The following MTCL1 variants were observed in gnomAD, a reference collection of about 807,000 sequenced individuals.
The protein encoded by MTCL1 is microtubule crosslinking factor 1, also known as microtubule cross-linking factor 1.
A neutral mutation model predicts 141.4 loss-of-function variants in MTCL1; 79 were observed. The ratio of observed to expected loss-of-function variants is 0.56; its 90% CI spans 0.47 to 0.67. The LOEUF (loss-of-function observed/expected upper bound fraction) is 0.67. Ranked by LOEUF, MTCL1 falls within the 30% of genes least tolerant of loss-of-function variation. The probability of loss-of-function intolerance (pLI) is 0.00; values close to 1 mark genes in which losing one functional copy is unlikely to be tolerated. For synonymous variants in MTCL1, 914 were observed against 875.8 expected (o/e 1.04, Z -0.77); for missense variants, 2,177 against 2,113.9 (o/e 1.03, Z -0.59).
chr18:8,782,129 A>G (rs1241963953), intron 5 of MTCL1: 1 of 152,216 alleles, frequency 6.6e-6, no homozygotes, highest in Non-Finnish European at 1.5e-5. Context: ...AGAACGAGCC[A>G]TGCTCTCTGA....
chr18:8,735,787 A>C (rs2096272054), intron 4 of MTCL1, among the ~76,000 whole-genome samples: 1 of 152,164 alleles, frequency 6.6e-6, no homozygotes, highest in Non-Finnish European at 1.5e-5. Flanking sequence ...CCTCCCCTTG[A>C]GAAACTCAGA....
chr18:8,825,436 G>A (rs770625854), exon 15 of MTCL1: 4 of 1,564,722 alleles, frequency 2.6e-6, no homozygotes, highest in Admixed American at 1.8e-5. Context: ...GACATGGCCT[G>A]CCAGACCAAT....
intron 4 of MTCL1, among the ~76,000 whole-genome samples, chr18:8,742,633 T>C (rs1036108625): frequency 6.6e-6 from 1 of 152,194 alleles, no homozygotes; most frequent in Non-Finnish European, 1.5e-5. Context: ...CACGTGGGGA[T>C]CATTACAATT....
intron 1 of MTCL1, among the ~76,000 whole-genome samples, chr18:8,710,090 T>C (rs2096078418): frequency 6.6e-6 from 1 of 152,232 alleles, no homozygotes; most frequent in Non-Finnish European, 1.5e-5. Context: ...TCTGCCCGCC[T>C]CGGCTTCCCA....
chr18:8,791,748 T>C (rs2075734289), intron 7 of MTCL1, among the ~76,000 whole-genome samples: 1 of 152,184 alleles, frequency 6.6e-6, no homozygotes, highest in Admixed American at 6.6e-5. Flanking sequence ...CCCCAAACAA[T>C]GCTGAATATG....
intron 4 of MTCL1, among the ~76,000 whole-genome samples, chr18:8,747,974 G>C (rs1055974130): frequency 1.3e-5 from 2 of 152,124 alleles, no homozygotes; most frequent in African/African-American, 4.8e-5. Flanking sequence ...GAGCTGCCTG[G>C]TTGTCACCCA....
intron 4 of MTCL1, among the ~76,000 whole-genome samples, chr18:8,763,165 A>C (rs2096441795): frequency 6.6e-6 from 1 of 152,150 alleles, no homozygotes; most frequent in African/African-American, 2.4e-5. Context: ...AGATGTGCCG[A>C]GTTGTTCTGT....
chr18:8,714,844 T>C (rs564389178), upstream of MTCL1, among the ~76,000 whole-genome samples: 1 of 152,190 alleles, frequency 6.6e-6, no homozygotes, highest in Non-Finnish European at 1.5e-5. Context: ...TCGCCCAGGC[T>C]GGAGTGCAGT....
intron 2 of MTCL1, 104 bp from the exon 2 acceptor site, chr18:8,718,320 G>T: frequency 3.5e-6 from 4 of 1,143,362 alleles, no homozygotes; most frequent in Non-Finnish European, 5.1e-6. Context: ...GGGTAAGCGT[G>T]TAGGTATTCA....
rs2077164353 is a variant in MTCL1 at position 8,830,551 on chromosome 18, G to A, written c.*19-1056G>A. 19 of 986,116 alleles carry A rather than the reference G, an allele frequency of 1.9e-5. 1 individual carries two copies. The South Asian group carries it at 5.6e-4, about 29-fold the overall frequency. The allele number at this position is 986,116 out of a possible 1,614,324, so 61.1% of individuals were successfully genotyped here. ...CCGCTGCTGCTCCCCTGCACCACTG[G>A]CTGGGCTGTCCTCATCCTGGTCTTT... On this transcript the variant is annotated intron_variant, in intron 16 of 16. Coordinates refer to ENST00000359865, the Ensembl canonical transcript of MTCL1. This position sits in a 1 kb window ranked among gnomAD's most constrained non-coding sequence, Gnocchi z 6.4.
At chr18:8,784,071 T>C in exon 6 of MTCL1, 1 of 1,613,306 alleles carries the variant, frequency 6.2e-7, no homozygotes, top group Non-Finnish European at 8.5e-7. Context: ...CCGGGCTGGC[T>C]AGGAGAGGGT....
chr18:8,755,104 C>T (rs879867433), intron 4 of MTCL1, among the ~76,000 whole-genome samples: 9 of 152,226 alleles, frequency 5.9e-5, no homozygotes, highest in Non-Finnish European at 1.0e-4. Context: ...CAAATGCCCC[C>T]GTGCCACGGC....
At chr18:8,750,747 G>A (rs1388633453) in intron 4 of MTCL1, among the ~76,000 whole-genome samples, 2 of 152,222 alleles carry the variant, frequency 1.3e-5, no homozygotes, top group Non-Finnish European at 2.9e-5. Context: ...TGAATGCATT[G>A]CAGTTATAAT....
chr18:8,747,257 G>A (rs1395503884), intron 4 of MTCL1, among the ~76,000 whole-genome samples: 1 of 152,230 alleles, frequency 6.6e-6, no homozygotes, highest in Non-Finnish European at 1.5e-5. Context: ...CACAGCAGTG[G>A]GGACTGCAGT....
At chr18:8,791,248 A>G (rs371377760) in intron 7 of MTCL1, among the ~76,000 whole-genome samples, 37 of 152,198 alleles carry the variant, frequency 2.4e-4, no homozygotes, top group African/African-American at 8.7e-4. Flanking sequence ...CAGCACTGAT[A>G]CTTGTTTCCC....
chr18:8,784,547 C>T (rs1193714883), exon 6 of MTCL1: 1 of 1,607,056 alleles, frequency 6.2e-7, no homozygotes, highest in South Asian at 1.1e-5. Flanking sequence ...CGACAGCTTC[C>T]TCCATGATGC....
intron 4 of MTCL1, among the ~76,000 whole-genome samples, chr18:8,777,078 CA>C (rs372854852): frequency 6.6e-6 from 1 of 151,574 alleles, no homozygotes; most frequent in South Asian, 2.1e-4. Flanking sequence ...ACTAAAAATA[CA>C]AAAAAAATTA....
intron 4 of MTCL1, among the ~76,000 whole-genome samples, chr18:8,756,539 A>G (rs1260785530): frequency 6.9e-6 from 1 of 145,376 alleles, no homozygotes; most frequent in Admixed American, 6.7e-5. Context: ...GTGTGTATAT[A>G]TGTGTATATA....
At chr18:8,733,341 T>A (rs2096260726) in intron 4 of MTCL1, among the ~76,000 whole-genome samples, 1 of 152,200 alleles carries the variant, frequency 6.6e-6, no homozygotes, top group African/African-American at 2.4e-5. Context: ...TAGGAAACAT[T>A]AAAATTTGAA....
Sources: allele counts gnomAD v4.1 joint callset (sites outside exome capture counted in the v4.1 genomes callset), GRCh38; gene constraint gnomAD v4.1.1; non-coding constraint Gnocchi (gnomAD v3.1); transcripts MANE v1.5; gene names NCBI Gene and HGNC (gene_info 2026-07-23, HGNC 2026-07-21).